The following TTLL11 variants were observed in gnomAD, a reference collection of about 807,000 sequenced individuals.
TTLL11 encodes tubulin polyglutamylase TTLL11.
A neutral mutation model predicts 51.7 loss-of-function variants in TTLL11; 42 were observed. The observed-to-expected ratio is 0.81, with a 90% CI of 0.64 to 1.05. The LOEUF (loss-of-function observed/expected upper bound fraction) is 1.05. TTLL11 is among the 50% of genes least tolerant of loss of function. The pLI, the probability that TTLL11 is intolerant of heterozygous loss-of-function variation, is 0.00. For synonymous variants in TTLL11, 381 were observed against 383.5 expected, an observed-to-expected ratio of 0.99 and a Z score of 0.08; for missense variants, 799 against 940.4, an observed-to-expected ratio of 0.85 and a Z score of 1.97.
intron 3 of TTLL11, among the ~76,000 whole-genome samples, chr9:122,026,070 A>T (rs1204101007): frequency 6.6e-6 from 1 of 152,192 alleles, no homozygotes; most frequent in Non-Finnish European, 1.5e-5. Context: ...ATAAAATTCT[A>T]CAAAGTGCAA....
intron 3 of TTLL11, among the ~76,000 whole-genome samples, chr9:122,027,797 G>A (rs1844394182): frequency 6.6e-6 from 1 of 152,124 alleles, no homozygotes; most frequent in Non-Finnish European, 1.5e-5. Flanking sequence ...AATACCAAAT[G>A]GAATCCCAGA....
chr9:121,879,322 C>T (rs575083302), intron 6 of TTLL11, among the ~76,000 whole-genome samples: 70 of 152,302 alleles, frequency 4.6e-4, no homozygotes, highest in South Asian at 1.4e-3. Context: ...TCCTCCACTG[C>T]TCCTTCTTGG....
At position 121,989,624 on chromosome 9, in the gene TTLL11, C is replaced by A. The variant is rs769799975; in HGVS notation, c.840G>T (p.Val280=). Residue 280 remains valine (V), a synonymous_variant, in exon 4 of 9, where the codon GTG becomes GTT. Transcript: ENST00000321582. This position sits in a 1 kb window ranked among gnomAD's most constrained non-coding sequence, Gnocchi z 4.2. ...LAGTLQSRPA[V]VQEYICKPLL... is the part of the protein sequence containing the mutation. ...GAGGTTTGCAGATGTACTCCTGGAC[C>A]ACCGCTGGCCTGCTCTGGAGGGTCC... is the stretch of plus-strand genomic sequence containing the variant. The A allele has an allele frequency of 6.2e-7, 1 of 1,614,158 alleles. No homozygotes were observed. The highest frequency in any genetic ancestry group is 1.7e-5 in the Admixed American group (1 of 60,026).
intron 6 of TTLL11, among the ~76,000 whole-genome samples, chr9:121,959,398 G>A (rs11999418): frequency 6.6e-6 from 1 of 152,022 alleles, no homozygotes; most frequent in East Asian, 1.9e-4. Context: ...AGATAATATC[G>A]CTGGAAGTCT....
chr9:121,983,002 C>T (rs1413807817), intron 4 of TTLL11, among the ~76,000 whole-genome samples: 1 of 152,126 alleles, frequency 6.6e-6, no homozygotes, highest in African/African-American at 2.4e-5. Context: ...TCCTTGGCTA[C>T]AGTGAGAAAA....
chr9:122,010,042 A>C (rs1408023835), intron 3 of TTLL11, among the ~76,000 whole-genome samples: 1 of 152,190 alleles, frequency 6.6e-6, no homozygotes, highest in Non-Finnish European at 1.5e-5. Flanking sequence ...TTAAACCTGT[A>C]TAAATAGACT....
Position 122,048,985 on chromosome 9 carries a change from T to C in TTLL11, c.463-9617A>G, listed in dbSNP as rs565123155. On this transcript the variant is annotated intron_variant, in intron 1 of 8. Transcript: ENST00000321582. ...TTTGTTTTTAACCTTTCTGAGGTCATAAATTCCTTTGAGATTCGTGCCAGA... is the reference window on the plus strand; with the variant it reads ...TTTGTTTTTAACCTTTCTGAGGTCACAAATTCCTTTGAGATTCGTGCCAGA... Among the ~76,000 whole-genome samples the C allele has an allele frequency of 1.8e-3, 274 of 151,298 alleles. 1 individual carries two copies. The highest frequency in any genetic ancestry group is 6.5e-3 in the African/African-American group (268 of 41,098).
chr9:122,049,563 G>T (rs1218198257), intron 1 of TTLL11, among the ~76,000 whole-genome samples: 2 of 152,178 alleles, frequency 1.3e-5, no homozygotes, highest in African/African-American at 4.8e-5. Context: ...CACAAAGAAA[G>T]TTCCTCCCCC....
chr9:122,067,953 C>T (rs999137404), intron 1 of TTLL11, among the ~76,000 whole-genome samples: 2 of 152,188 alleles, frequency 1.3e-5, no homozygotes, highest in African/African-American at 2.4e-5. Context: ...GAATTAAATG[C>T]ATGATGTCAT....
intron 1 of TTLL11, among the ~76,000 whole-genome samples, chr9:122,069,442 G>T (rs1467302205): frequency 6.6e-6 from 1 of 152,188 alleles, no homozygotes; most frequent in African/African-American, 2.4e-5. Flanking sequence ...TAACACTTTG[G>T]GAGGCTGAGG....
intron 1 of TTLL11, among the ~76,000 whole-genome samples, chr9:122,086,795 A>G (rs1846139200): frequency 6.6e-6 from 1 of 152,240 alleles, no homozygotes; most frequent in Admixed American, 6.5e-5. Flanking sequence ...TTATGGGTCA[A>G]ATGAGGAATG....
chr9:122,048,366 T>A (rs1218251004), intron 1 of TTLL11, among the ~76,000 whole-genome samples: 4 of 152,136 alleles, frequency 2.6e-5, no homozygotes, highest in African/African-American at 9.7e-5. Flanking sequence ...AGAGTTGCGC[T>A]ATGTTGCCCA....
rs765845424 is a variant in TTLL11, at chr9:122,093,164, G to GGCCAGT, written c.-22_-17dup. 49 of 1,495,104 alleles carry GGCCAGT rather than the reference G, an allele frequency of 3.3e-5. No homozygotes were observed. Among genetic ancestry groups the GGCCAGT allele is most frequent in the African/African-American group, 1.2e-4 (8 of 68,510 alleles). 92.6% of individuals were successfully genotyped at this position (1,495,104 alleles called of 1,614,324 possible). On this transcript the variant is annotated 5_prime_UTR_variant, in exon 1 of 9. Coordinates refer to ENST00000321582, the MANE Select transcript of TTLL11 (RefSeq NM_001139442.2). ...CCCGCCGCATGGTGCTCAGGGCCGG[G>GGCCAGT]GCCAGTGCCAGTGCCACCGCCGCCG...
chr9:121,841,264 G>A (rs2131356028), intron 8 of TTLL11, among the ~76,000 whole-genome samples: 1 of 152,254 alleles, frequency 6.6e-6, no homozygotes, highest in South Asian at 2.1e-4. Context: ...GGAGGATGGA[G>A]ATGAGGCTGG....
intron 6 of TTLL11, among the ~76,000 whole-genome samples, chr9:121,917,796 T>C (rs763467163): frequency 1.2e-4 from 19 of 152,164 alleles, no homozygotes; most frequent in Non-Finnish European, 2.5e-4. Flanking sequence ...TTTAAATTCT[T>C]ACATTGCTCC....
chr9:121,935,200 G>A (rs55744592), intron 6 of TTLL11, among the ~76,000 whole-genome samples: 19,590 of 151,336 alleles, frequency 0.13, 1,635 homozygotes, highest in Middle Eastern at 0.2. Context: ...CTCTTGATCC[G>A]CCCGCCTCGG....
chr9:122,063,141 G>A (rs1845482126), intron 1 of TTLL11, among the ~76,000 whole-genome samples: 1 of 152,080 alleles, frequency 6.6e-6, no homozygotes, highest in Non-Finnish European at 1.5e-5. Context: ...TTACCTGAAT[G>A]TCAAGAAACC....
intron 8 of TTLL11, among the ~76,000 whole-genome samples, chr9:121,851,842 G>A (rs1393360403): frequency 2.6e-5 from 4 of 152,214 alleles, no homozygotes; most frequent in Non-Finnish European, 4.4e-5. Context: ...AGTGGTGGGG[G>A]GGAAGCCCTC....
chr9:121,871,538 CCT>C (rs1405669125), intron 6 of TTLL11, among the ~76,000 whole-genome samples: 1 of 152,162 alleles, frequency 6.6e-6, no homozygotes, highest in Non-Finnish European at 1.5e-5. Context: ...CTGCTCTGCC[CCT>C]GCTTGGACTG....
Sources: gnomAD v4.1 joint callset for allele counts (sites outside exome capture counted in the v4.1 genomes callset) on GRCh38, gnomAD v4.1.1 for gene constraint, Gnocchi (gnomAD v3.1) non-coding constraint, MANE v1.5 for transcripts, NCBI Gene and HGNC (gene_info 2026-07-23, HGNC 2026-07-21) for gene names.